GPATCH8: variants seen among roughly 807,000 people sequenced by gnomAD.
The protein encoded by GPATCH8 is G patch domain-containing protein 8.
A neutral mutation model predicts 118.3 loss-of-function variants in GPATCH8; 18 were observed. That is an observed-to-expected ratio of 0.15 (90% CI 0.11 to 0.23). The LOEUF is 0.23. GPATCH8 is among the 10% of genes least tolerant of loss of function. GPATCH8 has a pLI of 1.00. For synonymous variants in GPATCH8, 659 were observed against 684.7 expected, an observed-to-expected ratio of 0.96 and a Z score of 0.59; for missense variants, 1,631 against 1,873.8, an observed-to-expected ratio of 0.87 and a Z score of 2.39.
intron 5 of GPATCH8, 39 bp downstream of exon 5, chr17:44,435,026 C>T (rs1378682228): frequency 2.3e-6 from 2 of 863,332 alleles, no homozygotes; most frequent in Non-Finnish European, 4.0e-6. Flanking sequence ...ATTCAGTGAG[C>T]ACCTCCCCAT....
intron 6 of GPATCH8, 46 bp from the exon 7 acceptor site, chr17:44,406,097 A>C: frequency 6.9e-7 from 1 of 1,456,000 alleles, no homozygotes; most frequent in Non-Finnish European, 9.6e-7. Context: ...GATTTACAGT[A>C]ACTTGGGAAT....
intron 7 of GPATCH8, 89 bp from the exon 8 acceptor site, chr17:44,401,542 T>C (rs1598406801): frequency 3.5e-6 from 3 of 852,260 alleles, no homozygotes; most frequent in South Asian, 2.7e-5. Context: ...TCTTATATCC[T>C]ATCATTCATT....
chr17:44,417,003 C>G (rs2049710512), intron 6 of GPATCH8, among the ~76,000 whole-genome samples: 1 of 151,994 alleles, frequency 6.6e-6, no homozygotes, highest in African/African-American at 2.4e-5. Flanking sequence ...ATTCCTCTGA[C>G]TGAGATACTG....
chr17:44,483,006 A>C (rs1968401511), intron 1 of GPATCH8, among the ~76,000 whole-genome samples: 1 of 147,364 alleles, frequency 6.8e-6, no homozygotes, highest in African/African-American at 2.5e-5. Context: ...AATACAAAAA[A>C]TTAGCCAGGC....
At chr17:44,486,959 T>G (rs1274798291) in intron 1 of GPATCH8, 5 of 152,186 alleles carry the variant, frequency 3.3e-5, no homozygotes, top group Non-Finnish European at 7.4e-5. Flanking sequence ...ATCCTGCACA[T>G]TTATTATAAT....
intron 2 of GPATCH8, chr17:44,464,945 T>C: frequency 5.6e-6 from 1 of 179,914 alleles, no homozygotes; most frequent in South Asian, 1.2e-4. Context: ...TTTTTTTTTT[T>C]TAAAGAAAAT....
intron 1 of GPATCH8, 93 bp from the exon 2 acceptor site, chr17:44,474,996 CTTTTT>C (rs960355933): frequency 9.6e-6 from 6 of 626,748 alleles, no homozygotes; most frequent in Non-Finnish European, 1.7e-5. Context: ...TTTAACTTTT[CTTTTT>C]TTTTTTTAAC....
intron 7 of GPATCH8, 80 bp downstream of exon 7, chr17:44,405,841 A>T: frequency 3.7e-6 from 4 of 1,095,738 alleles, no homozygotes; most frequent in Non-Finnish European, 5.4e-6. Context: ...TTAAATCTTA[A>T]ATTATAATCT....
intron 1 of GPATCH8, among the ~76,000 whole-genome samples, chr17:44,479,983 G>C (rs1371140903): frequency 1.3e-5 from 2 of 149,746 alleles, no homozygotes; most frequent in Non-Finnish European, 3.0e-5. Context: ...AAAAAAAATT[G>C]ATAGGCTGGA....
intron 3 of GPATCH8, among the ~76,000 whole-genome samples, chr17:44,460,437 G>A (rs2051500683): frequency 6.6e-6 from 1 of 152,126 alleles, no homozygotes; most frequent in South Asian, 2.1e-4. Flanking sequence ...AATAAACTCA[G>A]TTTACAAAGT....
At chr17:44,456,032 C>T (rs1357741356) in intron 3 of GPATCH8, among the ~76,000 whole-genome samples, 1 of 152,196 alleles carries the variant, frequency 6.6e-6, no homozygotes, top group African/African-American at 2.4e-5. Context: ...CAGGCGTGAG[C>T]CATAGCGCCC....
chr17:44,483,825 T>TTGTTG (rs1968547393), intron 1 of GPATCH8, among the ~76,000 whole-genome samples: 4 of 149,226 alleles, frequency 2.7e-5, no homozygotes, highest in Non-Finnish European at 5.9e-5. Flanking sequence ...TTTGGTTGTT[T>TTGTTG]TTGTTGTTGT....
In GPATCH8 at chr17:44,422,210, C is replaced by CT. The variant is rs201753787; in HGVS notation, c.492+2138dup. Reference sequence around the variant, plus strand: ...TTGTTTTGTTTTTTTGAGACAAGGTCTTGCTCTGTTGCCCAGTGTGAAGTG... The same window carrying CT: ...TTGTTTTGTTTTTTTGAGACAAGGTCTTTGCTCTGTTGCCCAGTGTGAAGTG... On this transcript the variant is annotated intron_variant, in intron 6 of 7. Transcript: ENST00000591680. Among the ~76,000 whole-genome samples the CT allele has an allele frequency of 2.6e-3, 390 of 152,224 alleles. 1 individual carries two copies. Among genetic ancestry groups the CT allele is most frequent in the African/African-American group, 8.8e-3 (367 of 41,540 alleles).
intron 3 of GPATCH8, among the ~76,000 whole-genome samples, chr17:44,448,507 G>C (rs1464889308): frequency 1.7e-5 from 2 of 116,866 alleles, no homozygotes; most frequent in Admixed American, 8.9e-5. Flanking sequence ...AAAAAAAGGG[G>C]GGGGGGGGAA....
chr17:44,455,729 T>C (rs1433922507), intron 3 of GPATCH8, among the ~76,000 whole-genome samples: 1 of 152,146 alleles, frequency 6.6e-6, no homozygotes, highest in African/African-American at 2.4e-5. Context: ...GTCACTATAA[T>C]ATTAATGAAA....
chr17:44,438,334 G>T (rs532221214), intron 3 of GPATCH8, among the ~76,000 whole-genome samples: 6 of 152,210 alleles, frequency 3.9e-5, no homozygotes, highest in Admixed American at 3.3e-4. Context: ...CTCTGCATTA[G>T]TACTTTTGCC....
At chr17:44,489,032 C>T (rs1969019851) in intron 1 of GPATCH8, among the ~76,000 whole-genome samples, 1 of 151,712 alleles carries the variant, frequency 6.6e-6, no homozygotes, top group Non-Finnish European at 1.5e-5. Context: ...GCACTCCAGT[C>T]TGAGGGACAG....
intron 3 of GPATCH8, among the ~76,000 whole-genome samples, chr17:44,453,323 T>C (rs2051186891): frequency 6.6e-6 from 1 of 152,186 alleles, no homozygotes; most frequent in Non-Finnish European, 1.5e-5. Flanking sequence ...TTGGGCAACA[T>C]ATTGGACTTC....
chr17:44,434,930 T>C (rs2050445996), intron 5 of GPATCH8, 135 bp downstream of exon 5: 1 of 697,682 alleles, frequency 1.4e-6, no homozygotes. Flanking sequence ...AATAGAAATC[T>C]GAGATCTACT....
Sources: allele counts gnomAD v4.1 joint callset (sites outside exome capture counted in the v4.1 genomes callset), GRCh38; gene constraint gnomAD v4.1.1; transcripts MANE v1.5; gene names NCBI Gene and HGNC (gene_info 2026-07-23, HGNC 2026-07-21).